Variants in FOXP2 observed in about 807,000 individuals in gnomAD.
The protein encoded by FOXP2 is forkhead box protein P2.
FOXP2 carries 12 observed loss-of-function variants against 115.8 expected under a neutral mutation model. The observed-to-expected ratio is 0.10, with a 90% CI of 0.07 to 0.17. FOXP2 has a LOEUF of 0.17. Ranked by LOEUF, FOXP2 falls within the 10% of genes least tolerant of loss-of-function variation. The pLI is 1.00. For missense variants in FOXP2, 629 were observed against 843.5 expected (o/e 0.75, Z 3.15); for synonymous variants, 328 against 297.7 (o/e 1.10, Z -1.05).
At chr7:114,251,919 C>T (rs1231682572) in intron 1 of FOXP2, among the ~76,000 whole-genome samples, 1 of 152,150 alleles carries the variant, frequency 6.6e-6, no homozygotes, top group Non-Finnish European at 1.5e-5. Context: ...ATGATATTGG[C>T]TGTGGGTTTG....
intron 2 of FOXP2, among the ~76,000 whole-genome samples, chr7:114,379,513 G>A (rs1239188612): frequency 6.6e-6 from 1 of 152,090 alleles, no homozygotes; most frequent in Non-Finnish European, 1.5e-5. Context: ...TAGGGGTTGT[G>A]CAGTTGAGAT....
rs58059515 is a variant in FOXP2 at position 114,352,286 on chromosome 7, G to T, written c.-11+64177G>T. Among the ~76,000 whole-genome samples the T allele has an allele frequency of 7.2e-3, 1,094 of 151,824 alleles. 10 individuals carry two copies. The highest frequency in any genetic ancestry group is 0.024 in the African/African-American group (1,011 of 41,434). Reference sequence around the variant, plus strand: ...TCTCTGAAGAAAAAAAAGAAAGAAAGAAAAAGAAAAAGAATGAAAGAAAGT... The same window carrying T: ...TCTCTGAAGAAAAAAAAGAAAGAAATAAAAAGAAAAAGAATGAAAGAAAGT... On this transcript the variant is annotated intron_variant, in intron 2 of 17. Transcript: ENST00000634411.
At position 114,691,150 on chromosome 7, in the gene FOXP2, G is replaced by GT; in HGVS notation, c.*1229dup. The GT allele has an allele frequency of 2.2e-6, 1 of 453,990 alleles. No individual in the cohort carries two copies. Among genetic ancestry groups the GT allele is most frequent in the Non-Finnish European group, 4.4e-6 (1 of 226,748 alleles). The allele number at this position is 453,990 out of a possible 1,614,324, so 28.1% of individuals were successfully genotyped here. The stretch of plus-strand genomic sequence containing the variant: ...TATTGTTATATATATAGTACTTTGT[G>GT]TTTTTGTTTTCCCTCATTCAGTCAG... On this transcript the variant is annotated 3_prime_UTR_variant, in exon 17 of 17. Transcript: ENST00000350908.
intron 1 of FOXP2, among the ~76,000 whole-genome samples, chr7:114,274,603 C>CTTTTTTTTTT (rs71157577): frequency 9.4e-5 from 4 of 42,552 alleles, no homozygotes; most frequent in Non-Finnish European, 4.0e-5. Flanking sequence ...CCTCTCAAAG[C>CTTTTTTTTTT]TTTTTTTTTT....
chr7:114,517,590 C>T (rs1798409008), intron 2 of FOXP2, among the ~76,000 whole-genome samples: 1 of 152,040 alleles, frequency 6.6e-6, no homozygotes, highest in Non-Finnish European at 1.5e-5. Context: ...TTGCCTTTTC[C>T]CTTTTATGTG....
At chr7:114,268,596 A>T (rs1795957062) in intron 1 of FOXP2, among the ~76,000 whole-genome samples, 1 of 152,118 alleles carries the variant, frequency 6.6e-6, no homozygotes, top group African/African-American at 2.4e-5. Flanking sequence ...CTAGGGCTGT[A>T]ATTCTAAAGC....
In FOXP2 at chr7:114,581,008, C is replaced by A. The variant is rs143196422; in HGVS notation, c.258+46302C>A. 4.3e-4 allele frequency among the ~76,000 whole-genome samples: 65 copies of A among 150,668 alleles called. No homozygotes were observed. In the East Asian group the frequency reaches 0.011, roughly 26 times the overall value. On this transcript the variant is annotated intron_variant, in intron 3 of 16. Transcript: ENST00000350908. ...GAATGAGCCAGCAAAGAATGTGAAT[C>A]TATAGCAGTAGAGAACCAGGAGCCA... is the stretch of plus-strand genomic sequence containing the variant.
Position 114,629,906 on chromosome 7 carries a change from ACAG to A in FOXP2, c.507_509del (p.Gln191del). On this transcript the variant is annotated inframe_deletion, in exon 5 of 17. Transcript: ENST00000350908. ...AGCAGCAGCAACAACAGCAGCAACA[ACAG>A]CAGCAGCAACAACAACAACAACAGC... is the stretch of plus-strand genomic sequence containing the variant. 3.7e-6 allele frequency: 6 copies of A among 1,612,436 alleles called. No individual in the cohort carries two copies. The highest frequency in any genetic ancestry group is 1.7e-5 in the Admixed American group (1 of 59,826).
At chr7:114,145,700 A>C (rs1431516087) in intron 1 of FOXP2, among the ~76,000 whole-genome samples, 3 of 152,068 alleles carry the variant, frequency 2.0e-5, no homozygotes, top group Non-Finnish European at 2.9e-5. Context: ...TTAATTTCTA[A>C]AAAACACATA....
intron 1 of FOXP2, among the ~76,000 whole-genome samples, chr7:114,238,246 T>C (rs531930116): frequency 1.3e-5 from 2 of 149,920 alleles, no homozygotes; most frequent in Non-Finnish European, 3.0e-5. Context: ...GACCTATATC[T>C]ACCATCTGCT....
At chr7:114,138,202 G>A (rs1400205179) in intron 1 of FOXP2, among the ~76,000 whole-genome samples, 1 of 152,128 alleles carries the variant, frequency 6.6e-6, no homozygotes, top group Non-Finnish European at 1.5e-5. Context: ...TACTCCTTCA[G>A]TGTGTGCTGT....
chr7:114,125,754 T>C (rs1333861658), intron 1 of FOXP2, among the ~76,000 whole-genome samples: 1 of 152,096 alleles, frequency 6.6e-6, no homozygotes, highest in African/African-American at 2.4e-5. Flanking sequence ...CTTTTTAATT[T>C]TAGAGAAGGG....
chr7:114,233,926 T>G (rs889896791), intron 1 of FOXP2, among the ~76,000 whole-genome samples: 6 of 152,152 alleles, frequency 3.9e-5, no homozygotes, highest in Admixed American at 3.9e-4. Flanking sequence ...GGCTCAGGAA[T>G]AGCTTGAACC....
chr7:114,374,951 G>A (rs1255512291), intron 2 of FOXP2, among the ~76,000 whole-genome samples: 1 of 152,072 alleles, frequency 6.6e-6, no homozygotes, highest in East Asian at 1.9e-4. Flanking sequence ...AATTGAAAAC[G>A]TGAAAAATGA....
intron 2 of FOXP2, among the ~76,000 whole-genome samples, chr7:114,449,347 A>G (rs911738983): frequency 1.6e-4 from 24 of 152,142 alleles, no homozygotes; most frequent in African/African-American, 5.8e-4. Context: ...TTAAATTGAA[A>G]ATACAAATAA....
At chr7:114,103,124 C>G (rs556345684) in intron 1 of FOXP2, among the ~76,000 whole-genome samples, 2 of 152,144 alleles carry the variant, frequency 1.3e-5, no homozygotes, top group South Asian at 2.1e-4. Context: ...TGTCTCCAGA[C>G]AGGTAACAGA....
intron 2 of FOXP2, among the ~76,000 whole-genome samples, chr7:114,397,093 G>C (rs887255008): frequency 6.6e-6 from 1 of 152,006 alleles, no homozygotes; most frequent in African/African-American, 2.4e-5. Context: ...ATATTGGAAA[G>C]AAGATAAAAT....
intron 1 of FOXP2, among the ~76,000 whole-genome samples, chr7:114,187,816 G>T (rs1448380122): frequency 1.3e-5 from 2 of 152,076 alleles, no homozygotes; most frequent in African/African-American, 4.8e-5. Flanking sequence ...AGTTCTTGAG[G>T]CTCAAAATAT....
At chr7:114,579,121 A>G (rs1801714087) in intron 3 of FOXP2, among the ~76,000 whole-genome samples, 1 of 152,168 alleles carries the variant, frequency 6.6e-6, no homozygotes, top group South Asian at 2.1e-4. Context: ...TTTGTTTACT[A>G]TGTGTCAGAT....
Sources: allele counts gnomAD v4.1 joint callset (sites outside exome capture counted in the v4.1 genomes callset), GRCh38; gene constraint gnomAD v4.1.1; transcripts MANE v1.5; gene names NCBI Gene and HGNC (gene_info 2026-07-23, HGNC 2026-07-21).